Variants in SBF2 observed in about 807,000 individuals in gnomAD.
SBF2 encodes myotubularin-related protein 13.
SBF2 carries 112 observed loss-of-function variants against 225.2 expected under a neutral mutation model. That is an observed-to-expected ratio of 0.50 (90% CI 0.43 to 0.58). The LOEUF is 0.58. Ranked by LOEUF, SBF2 falls within the 20% of genes least tolerant of loss-of-function variation. The pLI is 0.00. For missense variants in SBF2, 1,996 were observed against 2,206.2 expected (o/e 0.90, Z 1.91); for synonymous variants, 763 against 773.3 (o/e 0.99, Z 0.22).
intron 1 of SBF2, among the ~76,000 whole-genome samples, chr11:10,274,750 C>CAA (rs200010291): frequency 9.5e-6 from 1 of 105,052 alleles, no homozygotes; most frequent in Non-Finnish European, 1.9e-5. Flanking sequence ...GACTCCATCT[C>CAA]AAAAAAAAAA....
At chr11:10,043,253 T>G (rs116403709) in intron 2 of SBF2, among the ~76,000 whole-genome samples, 278 of 152,304 alleles carry the variant, frequency 1.8e-3, no homozygotes, top group African/African-American at 6.6e-3. Flanking sequence ...TATGTAGGAA[T>G]ACCGCATCAA....
chr11:10,180,041 T>G (rs1257883226), intron 2 of SBF2, among the ~76,000 whole-genome samples: 10 of 152,192 alleles, frequency 6.6e-5, no homozygotes, highest in Non-Finnish European at 1.5e-5. Context: ...GTTGTTTCTA[T>G]TTCTACCTCA....
rs1947479310 is a variant in SBF2 at position 9,992,430 on chromosome 11, A to G, written c.1281T>C (p.Cys427=). 1 of 1,612,780 alleles carries G rather than the reference A, an allele frequency of 6.2e-7. No individual in the cohort carries two copies. ...VSERGPPYRS[C]DLFDELVAFE... is the part of the protein sequence containing the mutation. Reference sequence around the variant, plus strand: ...AGAGCTATACCTCATCAAAGAGATCACAAGATCTATAAGGAGGACCTCTTT... The same window carrying G: ...AGAGCTATACCTCATCAAAGAGATCGCAAGATCTATAAGGAGGACCTCTTT... The change falls in exon 12 of 40, where the codon TGT becomes TGC. Residue 427 remains cysteine (C), a synonymous_variant. Coordinates refer to ENST00000256190, the MANE Select transcript of SBF2 (RefSeq NM_030962.4).
chr11:9,832,311 T>G lies in SBF2; in HGVS notation c.3565A>C (p.Arg1189=). ...RLPVVCWKNS[R]SGTLLLRSGG... ...GATCGGAGGAGCAGAGTACCACTTCTTGAGTTCTTCCAACATACAACAGGC... is the reference window on the plus strand; with the variant it reads ...GATCGGAGGAGCAGAGTACCACTTCGTGAGTTCTTCCAACATACAACAGGC... The change falls in exon 27 of 40, where the codon AGA becomes CGA. Residue 1189 remains arginine, a synonymous_variant. Coordinates refer to ENST00000256190, the MANE Select transcript of SBF2 (RefSeq NM_030962.4). 6.2e-7 allele frequency: 1 copy of G among 1,614,146 alleles called. No homozygotes were observed.
intron 1 of SBF2, among the ~76,000 whole-genome samples, chr11:10,255,137 G>A: frequency 6.6e-6 from 1 of 151,898 alleles, no homozygotes; most frequent in Non-Finnish European, 1.5e-5. Context: ...ACTTCAGTTA[G>A]CCAAAAGAAA....
intron 25 of SBF2, among the ~76,000 whole-genome samples, chr11:9,840,019 G>A (rs1295347832): frequency 1.3e-5 from 2 of 152,212 alleles, no homozygotes; most frequent in Non-Finnish European, 2.9e-5. Flanking sequence ...CGGATCACAA[G>A]GTCAGGAGTT....
chr11:9,871,288 G>A (rs926925434), intron 17 of SBF2, among the ~76,000 whole-genome samples: 40 of 151,560 alleles, frequency 2.6e-4, no homozygotes, highest in African/African-American at 8.7e-4. Flanking sequence ...AGGAACTTAA[G>A]TAGACTTACA....
chr11:9,881,959 G>A (rs796570121), intron 17 of SBF2, among the ~76,000 whole-genome samples: 7 of 152,278 alleles, frequency 4.6e-5, no homozygotes, highest in African/African-American at 1.4e-4. Context: ...CTGCACTTCA[G>A]CCTAGGTGAT....
At chr11:10,010,974 C>G (rs1268138424) in intron 6 of SBF2, among the ~76,000 whole-genome samples, 1 of 152,022 alleles carries the variant, frequency 6.6e-6, no homozygotes, top group Non-Finnish European at 1.5e-5. Flanking sequence ...AGTTGTATTC[C>G]TAGGTATTTT....
chr11:10,296,092 T>C (rs903458492), upstream of SBF2, among the ~76,000 whole-genome samples: 6 of 152,240 alleles, frequency 3.9e-5, no homozygotes, highest in Non-Finnish European at 7.3e-5. Context: ...TTTCTGTCTC[T>C]ATGGATTTAC....
chr11:10,084,525 T>C (rs952339886), intron 2 of SBF2, among the ~76,000 whole-genome samples: 1 of 152,170 alleles, frequency 6.6e-6, no homozygotes, highest in African/African-American at 2.4e-5. Context: ...AGTATGAAGA[T>C]ATCTCAAAGA....
intron 26 of SBF2, among the ~76,000 whole-genome samples, chr11:9,837,195 T>C (rs1204906964): frequency 1.3e-5 from 2 of 152,206 alleles, no homozygotes; most frequent in Non-Finnish European, 2.9e-5. Flanking sequence ...TTTTATTTAT[T>C]TCTAAGATAA....
intron 13 of SBF2, among the ~76,000 whole-genome samples, chr11:9,980,511 C>T (rs937872354): frequency 2.0e-5 from 3 of 152,070 alleles, no homozygotes; most frequent in Non-Finnish European, 4.4e-5. Context: ...TTACTGCTCC[C>T]TTAATATTAC....
At chr11:9,868,541 TAAA>T (rs538217664) in intron 17 of SBF2, among the ~76,000 whole-genome samples, 154 of 150,900 alleles carry the variant, frequency 1.0e-3, no homozygotes, top group African/African-American at 3.4e-3. Context: ...TAAATAAAAA[TAAA>T]AAAAAAGTTT....
intron 16 of SBF2, among the ~76,000 whole-genome samples, chr11:9,899,433 G>A (rs1861540094): frequency 6.8e-6 from 1 of 147,530 alleles, no homozygotes; most frequent in South Asian, 2.3e-4. Context: ...GAGCTTGGGA[G>A]TTTGAGGCTG....
intron 17 of SBF2, among the ~76,000 whole-genome samples, chr11:9,888,493 A>C (rs1860522054): frequency 1.4e-5 from 2 of 145,398 alleles, no homozygotes; most frequent in African/African-American, 5.3e-5. Flanking sequence ...AACAGAGCTA[A>C]AAACCAGTCT....
chr11:10,214,872 T>C (rs1215903814), intron 1 of SBF2, among the ~76,000 whole-genome samples: 1 of 152,044 alleles, frequency 6.6e-6, no homozygotes, highest in Non-Finnish European at 1.5e-5. Context: ...CCAGGTAGTT[T>C]AAGCAAAAAG....
chr11:10,048,574 A>G (rs1197210723), intron 2 of SBF2, among the ~76,000 whole-genome samples: 1 of 152,204 alleles, frequency 6.6e-6, no homozygotes, highest in Non-Finnish European at 1.5e-5. Flanking sequence ...GCAGACATGT[A>G]TTTGGCAGAC....
chr11:9,926,916 A>G (rs1565014221), intron 16 of SBF2, among the ~76,000 whole-genome samples: 1 of 152,126 alleles, frequency 6.6e-6, no homozygotes, highest in Non-Finnish European at 1.5e-5. Flanking sequence ...AATAATAGAC[A>G]ACATAAAAAC....
Sources: gnomAD v4.1 joint callset for allele counts (sites outside exome capture counted in the v4.1 genomes callset) on GRCh38, gnomAD v4.1.1 for gene constraint, MANE v1.5 for transcripts, NCBI Gene and HGNC (gene_info 2026-07-23, HGNC 2026-07-21) for gene names.